TYW1: variants seen among roughly 807,000 people sequenced by gnomAD.
The protein encoded by TYW1 is S-adenosyl-L-methionine-dependent tRNA 4-demethylwyosine synthase TYW1.
TYW1 carries 46 observed loss-of-function variants against 96.2 expected under a neutral mutation model. The observed-to-expected ratio is 0.48, with a 90% CI of 0.38 to 0.61. TYW1 has a LOEUF of 0.61. TYW1 is among the 20% of genes least tolerant of loss of function. The pLI is 0.00. For missense variants in TYW1, 684 were observed against 909.6 expected (o/e 0.75, Z 3.19); for synonymous variants, 274 against 323.0 (o/e 0.85, Z 1.63).
At chr7:67,032,022 A>G (rs1794687537) in intron 7 of TYW1, among the ~76,000 whole-genome samples, 1 of 151,994 alleles carries the variant, frequency 6.6e-6, no homozygotes, top group Non-Finnish European at 1.5e-5. Context: ...CAAGCCTTTT[A>G]GACTTTGTAA....
chr7:67,112,862 C>T (rs369358178), intron 12 of TYW1, among the ~76,000 whole-genome samples: 6 of 152,094 alleles, frequency 3.9e-5, no homozygotes, highest in Non-Finnish European at 5.9e-5. Flanking sequence ...ACTGGAGCCA[C>T]GTGACTTTCA....
At chr7:67,025,091 C>T in intron 7 of TYW1, 69 bp downstream of exon 7, 2 of 1,579,760 alleles carry the variant, frequency 1.3e-6, no homozygotes, top group Non-Finnish European at 1.7e-6. Flanking sequence ...TTCTTTATTA[C>T]TGTGTAGTCC....
In TYW1 at chr7:67,183,214, A is replaced by G; in HGVS notation, c.1787A>G (p.Asn596Ser). The G allele has an allele frequency of 6.2e-7, 1 of 1,606,304 alleles. No individual in the cohort carries two copies. The highest frequency in any genetic ancestry group is 8.5e-7 in the Non-Finnish European group (1 of 1,176,188). ...TACGCGCAGCTCGTGTCCCTGGGGA[A>G]TCCTGACTTCATCGAAGTGAAGGTA... ...QAYAQLVSLG[N>S]PDFIEVKGVT... The change falls in exon 14 of 16, where the codon AAT becomes AGT. Residue 596 changes from asparagine to serine, a missense_variant. Physicochemically the swap from Asn to Ser is conservative, Grantham distance 46. Coordinates refer to ENST00000359626, the MANE Select transcript of TYW1 (RefSeq NM_018264.4).
At chr7:67,104,913 A>G (rs1797190632) in intron 12 of TYW1, among the ~76,000 whole-genome samples, 2 of 152,210 alleles carry the variant, frequency 1.3e-5, no homozygotes, top group African/African-American at 2.4e-5. Flanking sequence ...ACAATAATTT[A>G]TTTAGCTCAT....
intron 6 of TYW1, among the ~76,000 whole-genome samples, chr7:67,021,252 T>C (rs148835225): frequency 3.9e-5 from 6 of 152,414 alleles, no homozygotes; most frequent in Admixed American, 2.0e-4. Context: ...GTTCAGACCA[T>C]GTTAGACGCT....
At chr7:67,043,359 CTTT>C (rs35321806) in intron 7 of TYW1, among the ~76,000 whole-genome samples, 11 of 143,014 alleles carry the variant, frequency 7.7e-5, no homozygotes, top group South Asian at 2.2e-4. Flanking sequence ...CCCATTGCTA[CTTT>C]TTTTTTTTTT....
intron 12 of TYW1, among the ~76,000 whole-genome samples, chr7:67,105,945 T>C (rs1388759124): frequency 7.2e-6 from 1 of 138,586 alleles, no homozygotes; most frequent in Non-Finnish European, 1.5e-5. Context: ...TTGCCCAGGC[T>C]GGAGTACACT....
At chr7:67,117,158 T>G (rs1797621537) in intron 12 of TYW1, among the ~76,000 whole-genome samples, 1 of 152,222 alleles carries the variant, frequency 6.6e-6, no homozygotes, top group African/African-American at 2.4e-5. Context: ...CTAATTGTGC[T>G]GGGCTGATGC....
chr7:67,116,363 A>G (rs1442467989), intron 12 of TYW1, among the ~76,000 whole-genome samples: 2 of 151,530 alleles, frequency 1.3e-5, no homozygotes, highest in African/African-American at 4.9e-5. Flanking sequence ...GAAAAAAAGT[A>G]TAGTCTAGGT....
At chr7:67,194,902 C>T (rs1158281808) in intron 14 of TYW1, among the ~76,000 whole-genome samples, 3 of 143,694 alleles carry the variant, frequency 2.1e-5, no homozygotes, top group African/African-American at 8.0e-5. Flanking sequence ...ACCAGACAGC[C>T]TAGATTGCGA....
chr7:67,048,578 G>A (rs1377661688), intron 7 of TYW1, among the ~76,000 whole-genome samples: 3 of 152,318 alleles, frequency 2.0e-5, no homozygotes, highest in South Asian at 4.1e-4. Flanking sequence ...GAAGAAATCA[G>A]TGGAAAGAGT....
intron 3 of TYW1, among the ~76,000 whole-genome samples, chr7:67,001,484 C>T (rs1198850879): frequency 2.6e-5 from 4 of 151,422 alleles, no homozygotes; most frequent in East Asian, 3.9e-4. Flanking sequence ...TGCAGTGGCG[C>T]GATCTCGGCT....
chr7:67,193,691 G>A (rs10247272), intron 14 of TYW1, among the ~76,000 whole-genome samples: 43,568 of 151,010 alleles, frequency 0.29, 6,968 homozygotes, highest in African/African-American at 0.43. Context: ...CCCAGGAGGC[G>A]GAGGCTGCAG....
intron 15 of TYW1, among the ~76,000 whole-genome samples, chr7:67,208,527 T>C (rs1159147555): frequency 6.6e-6 from 1 of 151,788 alleles, no homozygotes; most frequent in Non-Finnish European, 1.5e-5. Context: ...CCATCTCTAC[T>C]ATAAATACAA....
rs1482178234 is a variant in TYW1, at chr7:66,996,860, C to T, written c.-119C>T. On this transcript the variant is annotated 5_prime_UTR_variant, in exon 1 of 16. Coordinates refer to ENST00000359626, the MANE Select transcript of TYW1 (RefSeq NM_018264.4). Reference sequence around the variant, plus strand: ...GGCAGTGTCATGGCTGCCCACAGGTCTGCAGGCACTCGGTACGCCGCTAAC... The same window carrying T: ...GGCAGTGTCATGGCTGCCCACAGGTTTGCAGGCACTCGGTACGCCGCTAAC... 6.4e-7 allele frequency: 1 copy of T among 1,565,280 alleles called. No individual in the cohort carries two copies. Among genetic ancestry groups the T allele is most frequent in the East Asian group, 2.3e-5 (1 of 43,000 alleles).
intron 15 of TYW1, among the ~76,000 whole-genome samples, chr7:67,218,995 G>A (rs555347906): frequency 1.3e-5 from 2 of 152,306 alleles, no homozygotes; most frequent in African/African-American, 4.8e-5. Flanking sequence ...TAGAGGAAAA[G>A]CTTTCAGTGT....
chr7:67,165,904 T>C (rs1799307634), intron 13 of TYW1, among the ~76,000 whole-genome samples: 1 of 152,118 alleles, frequency 6.6e-6, no homozygotes, highest in South Asian at 2.1e-4. Context: ...CACTCCAGCC[T>C]GGGCAACAGA....
intron 8 of TYW1, among the ~76,000 whole-genome samples, chr7:67,052,421 T>G (rs1472543021): frequency 1.3e-5 from 2 of 152,260 alleles, no homozygotes; most frequent in Non-Finnish European, 2.9e-5. Context: ...CTTTCTTCTG[T>G]AATGTCTCAT....
chr7:67,054,894 C>T (rs1209320393), intron 8 of TYW1, among the ~76,000 whole-genome samples: 1 of 152,140 alleles, frequency 6.6e-6, no homozygotes, highest in Non-Finnish European at 1.5e-5. Flanking sequence ...TCCTATGTAG[C>T]TCAAAAATTT....
Sources: gnomAD v4.1 joint callset for allele counts (sites outside exome capture counted in the v4.1 genomes callset) on GRCh38, gnomAD v4.1.1 for gene constraint, MANE v1.5 for transcripts, NCBI Gene and HGNC (gene_info 2026-07-23, HGNC 2026-07-21) for gene names.